Variants in PRKCZ observed in about 807,000 individuals in gnomAD.
PRKCZ encodes the protein protein kinase C zeta.
Under a neutral mutation model 79.5 loss-of-function variants are expected in PRKCZ, and 33 were observed. That is an observed-to-expected ratio of 0.41 (90% confidence interval 0.31 to 0.55). The LOEUF is 0.55. PRKCZ is among the 20% of genes least tolerant of loss of function. The pLI is 0.19. For missense variants in PRKCZ, 578 were observed against 813.5 expected, an observed-to-expected ratio of 0.71 and a Z score of 3.52; for synonymous variants, 342 against 320.9, an observed-to-expected ratio of 1.07 and a Z score of -0.70.
At chr1:2,068,838 G>A (rs1313742253) in intron 4 of PRKCZ, among the ~76,000 whole-genome samples, 2 of 152,204 alleles carry the variant, frequency 1.3e-5, no homozygotes, top group South Asian at 2.1e-4. Context: ...CTGGGCCGGC[G>A]CCTGGCAGGA....
In PRKCZ at chr1:2,171,303, T is replaced by C. The variant is rs555001466; in HGVS notation, c.1062-752T>C. ...CTTACAGTGAGCCAAGATCGCGCCA[T>C]TGCACTCCAGCCTGGGTGACAGAGT... is the stretch of plus-strand genomic sequence containing the variant. On this transcript the variant is annotated intron_variant, in intron 11 of 17. Transcript: ENST00000378567. Among the ~76,000 whole-genome samples, 64 of 146,792 alleles carry C rather than the reference T, an allele frequency of 4.4e-4. 1 individual carries two copies. Among genetic ancestry groups the C allele is most frequent in the Middle Eastern group, 7.1e-3 (2 of 282 alleles).
chr1:2,141,394 G>A (rs538155308), intron 5 of PRKCZ: 1 of 147,332 alleles, frequency 6.8e-6, no homozygotes, highest in Admixed American at 6.8e-5. Flanking sequence ...TGCCCAGGCT[G>A]GAGTGCAGTG....
chr1:2,177,008 C>G lies in PRKCZ; in HGVS notation c.1575+1695C>G, dbSNP rs1213429598. Among the ~76,000 whole-genome samples the G allele has an allele frequency of 6.6e-6, 1 of 152,242 alleles. No homozygotes were observed. Among genetic ancestry groups the G allele is most frequent in the Non-Finnish European group, 1.5e-5 (1 of 68,042 alleles). On this transcript the variant is annotated intron_variant, in intron 16 of 17. Coordinates refer to ENST00000378567, the MANE Select transcript of PRKCZ (RefSeq NM_002744.6). The surrounding 1 kb of genome is among the most constrained non-coding windows in gnomAD (Gnocchi z 6.4). ...CGCAAATTCTTCATTTAAATTTATG[C>G]CTCTGGTAGCATAAGGGAGAAGAGA... is the stretch of plus-strand genomic sequence containing the variant.
chr1:2,088,186 C>T (rs533463693), intron 4 of PRKCZ, among the ~76,000 whole-genome samples: 10 of 152,244 alleles, frequency 6.6e-5, no homozygotes, highest in African/African-American at 1.7e-4. Flanking sequence ...GCCCAGACTC[C>T]GCCTCCCTCA....
intron 5 of PRKCZ, among the ~76,000 whole-genome samples, chr1:2,139,811 C>G (rs1676962583): frequency 6.6e-6 from 1 of 152,206 alleles, no homozygotes; most frequent in South Asian, 2.1e-4. Flanking sequence ...ATTATTTTTA[C>G]AAGCAAGAGT....
Position 2,173,522 on chromosome 1 carries a change from G to A in PRKCZ, c.1286-375G>A, listed in dbSNP as rs1684875703. 6.6e-6 allele frequency among the ~76,000 whole-genome samples: 1 copy of A among 152,226 alleles called. No individual in the cohort carries two copies. On this transcript the variant is annotated intron_variant, in intron 13 of 17. Coordinates refer to ENST00000378567, the MANE Select transcript of PRKCZ (RefSeq NM_002744.6). This position sits in a 1 kb window ranked among gnomAD's most constrained non-coding sequence, Gnocchi z 5.7. ...AAAATGGCTGTAGAAGGAAACACAG[G>A]AGAGTATTTCCGTTACTGCAGCGAA...
chr1:2,172,994 C>T lies in PRKCZ; in HGVS notation c.1285+606C>T, dbSNP rs563989239. On this transcript the variant is annotated intron_variant, in intron 13 of 17. Coordinates refer to ENST00000378567, the MANE Select transcript of PRKCZ (RefSeq NM_002744.6). This position sits in a 1 kb window ranked among gnomAD's most constrained non-coding sequence, Gnocchi z 7.8. ...CGTGTGTGAAACGGGGACGTGGGCA[C>T]GCGTGTGCAGCCCTGTGTGCGTGTG... 2.0e-5 allele frequency among the ~76,000 whole-genome samples: 3 copies of T among 152,058 alleles called. No homozygotes were observed. The highest frequency in any genetic ancestry group is 2.9e-5 in the Non-Finnish European group (2 of 68,028).
chr1:2,054,773 G>A (rs1224571835), intron 1 of PRKCZ, among the ~76,000 whole-genome samples: 3 of 151,976 alleles, frequency 2.0e-5, no homozygotes, highest in Non-Finnish European at 4.4e-5. Context: ...CCCGGCTCGC[G>A]CCCATCCCGG....
Position 2,055,473 on chromosome 1 carries a change from C to T in PRKCZ, c.104C>T (p.Thr35Met), listed in dbSNP as rs377389479. 1.4e-5 allele frequency: 23 copies of T among 1,613,770 alleles called. No individual in the cohort carries two copies. Among genetic ancestry groups the T allele is most frequent in the Admixed American group, 3.3e-5 (2 of 59,970 alleles). ...TTCATCACCAGCGTGGACGCCGCCA[C>T]GACCTTCGAGGAGCTCTGTGAGGAA... ...DIFITSVDAATTFEELCEEVR... is the reference protein window; with the variant it reads ...DIFITSVDAAMTFEELCEEVR... Residue 35 changes from threonine (T) to methionine (M), a missense_variant, in exon 2 of 18, where the codon ACG becomes ATG. Physicochemically the swap from Thr to Met is moderately conservative, Grantham distance 81. Coordinates refer to ENST00000378567, the MANE Select transcript of PRKCZ (RefSeq NM_002744.6).
intron 5 of PRKCZ, chr1:2,143,149 C>T (rs1677749552): frequency 6.6e-6 from 1 of 151,982 alleles, no homozygotes; most frequent in African/African-American, 2.4e-5. Flanking sequence ...CTGCCTCAGC[C>T]TCCCGAGTAC....
At chr1:2,059,630 C>T (rs538633685) in intron 4 of PRKCZ, 39 bp downstream of exon 4, 19 of 1,610,786 alleles carry the variant, frequency 1.2e-5, no homozygotes, top group African/African-American at 4.0e-5. Context: ...TCGCATGTTA[C>T]GGGGTTGAAC....
At chr1:2,141,814 T>C (rs1677378782) in intron 5 of PRKCZ, 1 of 190,378 alleles carries the variant, frequency 5.3e-6, no homozygotes, top group Non-Finnish European at 1.1e-5. Flanking sequence ...AAATGGAAGC[T>C]GGTGTTCTTC....
chr1:2,080,129 G>A (rs777761309), intron 4 of PRKCZ, among the ~76,000 whole-genome samples: 5 of 152,192 alleles, frequency 3.3e-5, no homozygotes, highest in Non-Finnish European at 4.4e-5. Context: ...AGGTCCCAGG[G>A]CATCCACTAC....
chr1:2,177,115 C>A lies in PRKCZ; in HGVS notation c.1575+1802C>A, dbSNP rs1685645722. Among the ~76,000 whole-genome samples, 1 of 152,130 alleles carries A rather than the reference C, an allele frequency of 6.6e-6. No individual in the cohort carries two copies. Among genetic ancestry groups the A allele is most frequent in the Non-Finnish European group, 1.5e-5 (1 of 68,014 alleles). ...GCGTCCCTTTTCTCTGGCTCAGGCA[C>A]CCCTGGCCTAGTGGGGTTACTGGTG... On this transcript the variant is annotated intron_variant, in intron 16 of 17. Coordinates refer to ENST00000378567, the MANE Select transcript of PRKCZ (RefSeq NM_002744.6). This position sits in a 1 kb window ranked among gnomAD's most constrained non-coding sequence, Gnocchi z 6.4.
intron 4 of PRKCZ, among the ~76,000 whole-genome samples, chr1:2,107,702 T>C (rs1361689561): frequency 2.0e-5 from 3 of 151,960 alleles, no homozygotes; most frequent in African/African-American, 4.8e-5. Context: ...AAATCCCCTC[T>C]ACCCGGGCTG....
chr1:2,109,584 G>A (rs1353125726), intron 4 of PRKCZ, among the ~76,000 whole-genome samples: 7 of 152,240 alleles, frequency 4.6e-5, no homozygotes, highest in Non-Finnish European at 1.0e-4. Flanking sequence ...GGGGTCACAC[G>A]GGGCCGAGTG....
intron 4 of PRKCZ, among the ~76,000 whole-genome samples, chr1:2,105,186 G>A (rs1315396828): frequency 3.9e-5 from 6 of 152,184 alleles, no homozygotes; most frequent in East Asian, 1.9e-4. Flanking sequence ...AAACCTGCTC[G>A]TCAGGAGACA....
intron 7 of PRKCZ, among the ~76,000 whole-genome samples, chr1:2,147,650 T>G (rs1281577495): frequency 6.7e-6 from 1 of 149,668 alleles, no homozygotes; most frequent in African/African-American, 2.5e-5. Flanking sequence ...TATCCATCCA[T>G]CTATTGTCCA....
chr1:2,121,338 A>C (rs985389684), intron 4 of PRKCZ, among the ~76,000 whole-genome samples: 1 of 152,080 alleles, frequency 6.6e-6, no homozygotes, highest in Non-Finnish European at 1.5e-5. Flanking sequence ...GTACTTCCGG[A>C]ATGCTATGGA....
Sources: allele counts gnomAD v4.1 joint callset (sites outside exome capture counted in the v4.1 genomes callset), GRCh38; gene constraint gnomAD v4.1.1; non-coding constraint Gnocchi (gnomAD v3.1); transcripts MANE v1.5; gene names NCBI Gene and HGNC (gene_info 2026-07-23, HGNC 2026-07-21).